The following CDH12 variants were observed in gnomAD, a reference collection of about 807,000 sequenced individuals.
CDH12 encodes the protein cadherin-12.
In CDH12, 41 loss-of-function variants were observed where a neutral mutation model predicts 74.1. The ratio of observed to expected loss-of-function variants is 0.55; its 90% CI spans 0.43 to 0.72. The LOEUF (loss-of-function observed/expected upper bound fraction) is 0.72, where lower values mean the gene tolerates loss of function less well. Among genes scored for constraint, CDH12 ranks in the 30% least tolerant of loss-of-function variants. The pLI is 0.00. For missense variants in CDH12, 945 were observed against 977.2 expected, an observed-to-expected ratio of 0.97 and a Z score of 0.44; for synonymous variants, 399 against 355.0, an observed-to-expected ratio of 1.12 and a Z score of -1.39.
At chr5:22,017,532 TC>T (rs1174700656) in intron 5 of CDH12, among the ~76,000 whole-genome samples, 1 of 152,228 alleles carries the variant, frequency 6.6e-6, no homozygotes, top group Non-Finnish European at 1.5e-5. Context: ...CATTAACTTT[TC>T]TTTTAACCCT....
rs574515643 is a variant in CDH12 at position 22,266,177 on chromosome 5, G to A, written c.-332-53534C>T. 2.2e-3 allele frequency among the ~76,000 whole-genome samples: 334 copies of A among 152,004 alleles called. 10 individuals carry two copies. The highest frequency in any genetic ancestry group is 5.7e-4 in the Non-Finnish European group (39 of 67,974). On this transcript the variant is annotated intron_variant, in intron 3 of 14. Transcript: ENST00000382254. ...TACAACCTCCGCCTCCCAGGTTCAA[G>A]CAATTCTTCTGCCTCAGCCTCCCAA...
chr5:22,000,324 G>A (rs903505514), intron 5 of CDH12, among the ~76,000 whole-genome samples: 1 of 152,048 alleles, frequency 6.6e-6, no homozygotes, highest in African/African-American at 2.4e-5. Context: ...GACAGCCTGA[G>A]CCAATATCTA....
chr5:21,828,863 T>A (rs978866409), intron 8 of CDH12, among the ~76,000 whole-genome samples: 1 of 151,702 alleles, frequency 6.6e-6, no homozygotes, highest in Non-Finnish European at 1.5e-5. Context: ...TTTGCAATTT[T>A]ATTTGTTTCA....
intron 6 of CDH12, among the ~76,000 whole-genome samples, chr5:21,902,259 T>C (rs2150055004): frequency 6.6e-6 from 1 of 150,520 alleles, no homozygotes; most frequent in South Asian, 2.1e-4. Context: ...ATATGTATAA[T>C]ATAAGTATAT....
chr5:21,833,641 A>G (rs1260028459), intron 8 of CDH12, among the ~76,000 whole-genome samples: 1 of 112,298 alleles, frequency 8.9e-6, no homozygotes, highest in Non-Finnish European at 1.8e-5. Context: ...TATCTCATAT[A>G]TATGCATACA....
intron 3 of CDH12, among the ~76,000 whole-genome samples, chr5:22,218,598 G>A (rs1047181983): frequency 2.6e-5 from 4 of 151,684 alleles, no homozygotes; most frequent in African/African-American, 9.7e-5. Flanking sequence ...AAATTGCAGA[G>A]GTCACAAGAA....
chr5:22,439,401 G>C (rs957917337), intron 2 of CDH12, among the ~76,000 whole-genome samples: 2 of 151,996 alleles, frequency 1.3e-5, no homozygotes, highest in Admixed American at 1.3e-4. Context: ...TTCAGGGTAA[G>C]GAAACAATGA....
chr5:22,503,425 T>G (rs1736253103), intron 2 of CDH12, among the ~76,000 whole-genome samples: 1 of 152,118 alleles, frequency 6.6e-6, no homozygotes, highest in Non-Finnish European at 1.5e-5. Context: ...AATCAGTTAG[T>G]ATGGCTTGAA....
chr5:22,360,251 C>T lies in CDH12; in HGVS notation c.-333+45006G>A, dbSNP rs202214311. 1.2e-4 allele frequency among the ~76,000 whole-genome samples: 19 copies of T among 152,166 alleles called. No homozygotes were observed. In the East Asian group the frequency reaches 2.9e-3, roughly 23 times the overall value. On this transcript the variant is annotated intron_variant, in intron 3 of 14. Coordinates refer to ENST00000382254, the MANE Select transcript of CDH12 (RefSeq NM_004061.5). ...CAATAAAAAATGATAAAGGGGATAT[C>T]ACCACCGATCCCACAGAAATACAAA...
At chr5:21,883,282 C>T (rs1752453409) in intron 6 of CDH12, 7 of 1,420,754 alleles carry the variant, frequency 4.9e-6, no homozygotes, top group Middle Eastern at 1.7e-4. Flanking sequence ...TTTATTAATA[C>T]ATCAAAAGGT....
intron 1 of CDH12, among the ~76,000 whole-genome samples, chr5:22,822,013 G>A (rs1005714298): frequency 6.6e-6 from 1 of 152,128 alleles, no homozygotes; most frequent in Middle Eastern, 3.4e-3. Flanking sequence ...AAAACAGTGT[G>A]GTACTGGTAC....
intron 6 of CDH12, among the ~76,000 whole-genome samples, chr5:21,878,588 A>AAAAAG (rs1561265634): frequency 6.7e-6 from 1 of 149,816 alleles, no homozygotes; most frequent in Non-Finnish European, 1.5e-5. Context: ...AAAAAAAAAA[A>AAAAAG]AAAAATTAGC....
intron 1 of CDH12, among the ~76,000 whole-genome samples, chr5:22,605,609 G>A (rs1272586295): frequency 1.3e-5 from 2 of 152,188 alleles, no homozygotes; most frequent in Non-Finnish European, 2.9e-5. Context: ...GCCTGGTCCA[G>A]GGTCTGCTGA....
intron 3 of CDH12, among the ~76,000 whole-genome samples, chr5:22,404,063 T>G (rs1266395481): frequency 6.6e-6 from 1 of 152,182 alleles, no homozygotes; most frequent in African/African-American, 2.4e-5. Flanking sequence ...AATTGTAGTA[T>G]TCTTCACAAT....
At chr5:22,548,453 T>C (rs1738421204) in intron 1 of CDH12, among the ~76,000 whole-genome samples, 1 of 151,666 alleles carries the variant, frequency 6.6e-6, no homozygotes, top group South Asian at 2.1e-4. Flanking sequence ...TATCCAGTGC[T>C]TCCCAGATTT....
intron 6 of CDH12, among the ~76,000 whole-genome samples, chr5:21,904,018 C>T (rs1452764595): frequency 6.6e-6 from 1 of 152,136 alleles, no homozygotes; most frequent in Non-Finnish European, 1.5e-5. Context: ...AATAGACATG[C>T]AGCAATATTC....
At chr5:22,101,913 T>C (rs181884650) in intron 4 of CDH12, among the ~76,000 whole-genome samples, 1 of 152,240 alleles carries the variant, frequency 6.6e-6, no homozygotes, top group East Asian at 1.9e-4. Context: ...AACTCTGCCA[T>C]TGTAGCTCAC....
chr5:22,254,865 C>T (rs1181715228), intron 3 of CDH12, among the ~76,000 whole-genome samples: 1 of 151,650 alleles, frequency 6.6e-6, no homozygotes, highest in African/African-American at 2.4e-5. Flanking sequence ...TCACCTCAAG[C>T]GTTTATCATT....
chr5:21,765,180 T>A, intron 11 of CDH12, 81 bp from the exon 12 acceptor site: 1 of 1,192,996 alleles, frequency 8.4e-7, no homozygotes, highest in Non-Finnish European at 1.1e-6. Flanking sequence ...ATTTACATTT[T>A]TAAAAATCAG....
Sources: allele counts gnomAD v4.1 joint callset (sites outside exome capture counted in the v4.1 genomes callset), GRCh38; gene constraint gnomAD v4.1.1; transcripts MANE v1.5; gene names NCBI Gene and HGNC (gene_info 2026-07-23, HGNC 2026-07-21).